The following SLC2A14 variants were observed in gnomAD, a reference collection of about 807,000 sequenced individuals.
The protein encoded by SLC2A14 is solute carrier family 2 member 14, also known as solute carrier family 2, facilitated glucose transporter member 14.
In SLC2A14, 13 loss-of-function variants were observed where a neutral mutation model predicts 43.0. The observed-to-expected ratio is 0.30, with a 90% CI of 0.20 to 0.48. The LOEUF is 0.48. Among genes scored for constraint, SLC2A14 ranks in the 20% least tolerant of loss-of-function variants. The pLI is 0.99. For synonymous variants in SLC2A14, 190 were observed against 233.8 expected, an observed-to-expected ratio of 0.81 and a Z score of 1.71; for missense variants, 428 against 620.4, an observed-to-expected ratio of 0.69 and a Z score of 3.29.
upstream of SLC2A14, among the ~76,000 whole-genome samples, chr12:7,875,830 G>A (rs1945454537): frequency 6.6e-6 from 1 of 152,062 alleles, no homozygotes; most frequent in South Asian, 2.1e-4. Flanking sequence ...CAAAAAATTA[G>A]CCGGGTGCAG....
chr12:7,883,617 A>T (rs1592334815), intron 1 of SLC2A14, among the ~76,000 whole-genome samples: 8 of 71,564 alleles, frequency 1.1e-4, no homozygotes, highest in South Asian at 4.4e-4. Flanking sequence ...TTTTTTTGAG[A>T]CGGGGTCTCT....
rs1210811349 is a variant in SLC2A14 at position 7,827,003 on chromosome 12, TTC to T, written c.864+490_864+491del. ...TCTCTCCTTTCTCTCTTTCTCTCCT[TTC>T]TCTCTCTCTCTTTCTCTCCTTTCTC... On this transcript the variant is annotated intron_variant, in intron 7 of 10. Transcript: ENST00000431042. 1.2e-3 allele frequency among the ~76,000 whole-genome samples: 170 copies of T among 139,986 alleles called. 2 individuals are homozygous for T. The highest frequency in any genetic ancestry group is 4.4e-3 in the African/African-American group (161 of 36,268). The allele number at this position is 139,986 out of a possible 152,430, so 91.8% of individuals were successfully genotyped here. A position where few individuals can be genotyped will look rare whatever the true frequency, so the allele number is the denominator to read the frequency against.
intron 2 of SLC2A14, among the ~76,000 whole-genome samples, chr12:7,844,364 A>C (rs749462736): frequency 1.3e-5 from 2 of 152,090 alleles, no homozygotes; most frequent in Non-Finnish European, 2.9e-5. Context: ...TTTGGCTATG[A>C]CAACATTTAC....
At chr12:7,880,690 CAAAAA>C (rs753621437) in intron 1 of SLC2A14, among the ~76,000 whole-genome samples, 4 of 65,138 alleles carry the variant, frequency 6.1e-5, no homozygotes, top group South Asian at 4.4e-4. Context: ...AGCTGGGTCT[CAAAAA>C]AAAAAAAAAA....
upstream of SLC2A14, among the ~76,000 whole-genome samples, chr12:7,876,299 A>AAAAAAAAAAAAC (rs1945463499): frequency 6.7e-6 from 1 of 150,280 alleles, no homozygotes; most frequent in South Asian, 2.1e-4. Flanking sequence ...AAAAAAAAAA[A>AAAAAAAAAAAAC]AAAAAGAGAG....
chr12:7,816,438 G>A (rs1444165276), intron 10 of SLC2A14, among the ~76,000 whole-genome samples: 8 of 147,472 alleles, frequency 5.4e-5, no homozygotes, highest in African/African-American at 1.3e-4. Flanking sequence ...GGGGTTTCTC[G>A]ATATTGGCCA....
chr12:7,867,996 A>T (rs1945019291), intron 2 of SLC2A14, among the ~76,000 whole-genome samples: 1 of 152,184 alleles, frequency 6.6e-6, no homozygotes, highest in Admixed American at 6.6e-5. Flanking sequence ...ACTGACTCGA[A>T]TTATGAAAGA....
At chr12:7,884,820 G>A (rs147181747) in intron 1 of SLC2A14, among the ~76,000 whole-genome samples, 4 of 152,112 alleles carry the variant, frequency 2.6e-5, no homozygotes, top group African/African-American at 4.8e-5. Flanking sequence ...CTCTCCCTGC[G>A]GGCTAGACTT....
rs1324205785 is a variant in SLC2A14 at position 7,814,299 on chromosome 12, G to A, written c.*17C>T. ...GTGGCTTTCCCATGCCGGGAGGGAG[G>A]TGGAAGGAGGCATGACTTAGACATT... On this transcript the variant is annotated 3_prime_UTR_variant, in exon 11 of 11. Transcript: ENST00000431042. The A allele has an allele frequency of 6.4e-7, 1 of 1,573,294 alleles. No homozygotes were observed. Among genetic ancestry groups the A allele is most frequent in the Non-Finnish European group, 8.7e-7 (1 of 1,155,542 alleles).
At chr12:7,863,825 T>C (rs74578196) in intron 2 of SLC2A14, among the ~76,000 whole-genome samples, 1 of 160 alleles carries the variant, frequency 6.3e-3, no homozygotes, top group African/African-American at 8.2e-3. Context: ...CTTTTTTTCT[T>C]TTTTTTTTTT....
chr12:7,849,188 G>A (rs539629874), intron 2 of SLC2A14, among the ~76,000 whole-genome samples: 23 of 152,024 alleles, frequency 1.5e-4, no homozygotes, highest in African/African-American at 3.4e-4. Context: ...CTCAATCTTC[G>A]GGCAAGATAA....
chr12:7,882,515 C>G (rs1015243612), intron 1 of SLC2A14, among the ~76,000 whole-genome samples: 6 of 151,958 alleles, frequency 3.9e-5, no homozygotes, highest in African/African-American at 1.5e-4. Context: ...GCGAAACTTA[C>G]CTCTCAAAGA....
At chr12:7,884,113 C>T (rs1424196787) in intron 1 of SLC2A14, among the ~76,000 whole-genome samples, 2 of 151,428 alleles carry the variant, frequency 1.3e-5, no homozygotes, top group Admixed American at 6.6e-5. Context: ...TTAGTAGAAA[C>T]GGGGTTTCAC....
At chr12:7,822,238 C>T (rs938037980) in intron 7 of SLC2A14, among the ~76,000 whole-genome samples, 2 of 151,944 alleles carry the variant, frequency 1.3e-5, no homozygotes, top group African/African-American at 2.4e-5. Context: ...GGATTACAGG[C>T]GTGAGCCACT....
At chr12:7,844,543 C>CTTTT (rs34332998) in intron 2 of SLC2A14, among the ~76,000 whole-genome samples, 1 of 146,138 alleles carries the variant, frequency 6.8e-6, no homozygotes. Context: ...TAGTAAACTC[C>CTTTT]TTTTTTTTTT....
At chr12:7,837,950 G>T (rs1865597958) in intron 2 of SLC2A14, among the ~76,000 whole-genome samples, 1 of 151,942 alleles carries the variant, frequency 6.6e-6, no homozygotes, top group African/African-American at 2.4e-5. Flanking sequence ...TAGAGGTGGG[G>T]TTTTACCATA....
intron 2 of SLC2A14, among the ~76,000 whole-genome samples, chr12:7,858,591 C>T (rs1181872733): frequency 6.6e-6 from 1 of 152,124 alleles, no homozygotes; most frequent in Non-Finnish European, 1.5e-5. Flanking sequence ...CTTCCGCCTC[C>T]CGGGTTCAAG....
In SLC2A14 at chr12:7,827,596, G is replaced by A. The variant is rs1864608616; in HGVS notation, c.763C>T (p.Gln255Ter). 6.2e-7 allele frequency: 1 copy of A among 1,613,102 alleles called. No individual in the cohort carries two copies. Among genetic ancestry groups the A allele is most frequent in the African/African-American group, 1.3e-5 (1 of 74,568 alleles). Reference protein sequence around the residue: ...DESARMSQEKQVTVLELFRVS... With the variant: ...DESARMSQEK Reference sequence around the variant, plus strand: ...CTAAAGAGCTCCAGCACGGTGACTTGCTTTTCTTGTGACATCCTTGCACTC... The same window carrying A: ...CTAAAGAGCTCCAGCACGGTGACTTACTTTTCTTGTGACATCCTTGCACTC... The change falls in exon 7 of 11, where the codon CAA becomes TAA. Residue 255 changes from glutamine to a stop codon, truncating the protein, a stop_gained. Coordinates refer to ENST00000431042, the MANE Select transcript of SLC2A14 (RefSeq NM_001286234.2). LOFTEE classifies it high-confidence loss of function.
At chr12:7,841,228 C>G (rs1404132912) in intron 2 of SLC2A14, among the ~76,000 whole-genome samples, 1 of 152,066 alleles carries the variant, frequency 6.6e-6, no homozygotes, top group Non-Finnish European at 1.5e-5. Flanking sequence ...CTAACATTTG[C>G]ATTAGTGTGA....
Sources: gnomAD v4.1 joint callset for allele counts (sites outside exome capture counted in the v4.1 genomes callset) on GRCh38, gnomAD v4.1.1 for gene constraint, MANE v1.5 for transcripts, NCBI Gene and HGNC (gene_info 2026-07-23, HGNC 2026-07-21) for gene names.